The following LRP1B variants were observed in gnomAD, a reference collection of about 807,000 sequenced individuals.
LRP1B encodes the protein low-density lipoprotein receptor-related protein 1B.
Under a neutral mutation model 556.6 loss-of-function variants are expected in LRP1B, and 217 were observed. The observed-to-expected ratio is 0.39, with a 90% CI of 0.35 to 0.44. The LOEUF is 0.44. LRP1B is among the 20% of genes least tolerant of loss of function. The pLI, the probability that LRP1B is intolerant of heterozygous loss-of-function variation, is 1.00. For missense variants in LRP1B, 5,053 were observed against 5,620.8 expected (o/e 0.90, Z 3.23); for synonymous variants, 2,047 against 1,865.8 (o/e 1.10, Z -2.50).
chr2:140,296,682 G>A (rs1683615877), intron 84 of LRP1B, among the ~76,000 whole-genome samples: 1 of 152,138 alleles, frequency 6.6e-6, no homozygotes, highest in African/African-American at 2.4e-5. Context: ...CTTTGTAGAC[G>A]ATGTTTTAAG....
Position 141,421,626 on chromosome 2 carries a change from A to C in LRP1B, c.343+58770T>G, listed in dbSNP as rs1211635259. On this transcript the variant is annotated intron_variant, in intron 3 of 90. Coordinates refer to ENST00000389484, the MANE Select transcript of LRP1B (RefSeq NM_018557.3). The stretch of plus-strand genomic sequence containing the variant: ...GAAAATGACATTTAACCTACTCAAA[A>C]AGGGCTAACAATAATACAGAACAGA... 2.6e-5 allele frequency among the ~76,000 whole-genome samples: 4 copies of C among 152,352 alleles called. No individual in the cohort carries two copies. The East Asian group carries it at 7.7e-4, about 29-fold the overall frequency.
chr2:141,690,849 G>T (rs1426019448), intron 2 of LRP1B, among the ~76,000 whole-genome samples: 2 of 151,792 alleles, frequency 1.3e-5, no homozygotes, highest in East Asian at 3.9e-4. Context: ...AAAAGGAATG[G>T]TGTATGCTTT....
chr2:140,606,238 T>C (rs1682864326), intron 41 of LRP1B, among the ~76,000 whole-genome samples: 1 of 151,844 alleles, frequency 6.6e-6, no homozygotes, highest in Non-Finnish European at 1.5e-5. Context: ...AATCTGAAAA[T>C]GACATTAAAA....
intron 27 of LRP1B, among the ~76,000 whole-genome samples, chr2:140,852,962 G>A (rs917526427): frequency 6.6e-6 from 1 of 151,932 alleles, no homozygotes; most frequent in South Asian, 2.1e-4. Context: ...CGTTATTCTT[G>A]TAGCCCCATC....
intron 60 of LRP1B, among the ~76,000 whole-genome samples, chr2:140,462,546 G>A (rs1029618722): frequency 6.6e-6 from 1 of 152,158 alleles, no homozygotes; most frequent in Admixed American, 6.5e-5. Context: ...GAGCGTAGAT[G>A]GAAAGGGGAT....
At chr2:141,115,943 A>T (rs1700887877) in intron 7 of LRP1B, among the ~76,000 whole-genome samples, 1 of 152,198 alleles carries the variant, frequency 6.6e-6, no homozygotes, top group South Asian at 2.1e-4. Context: ...TAAGAGAATG[A>T]TTAAATAGAA....
chr2:141,079,995 G>A (rs1699885408), intron 7 of LRP1B, among the ~76,000 whole-genome samples: 1 of 152,188 alleles, frequency 6.6e-6, no homozygotes, highest in African/African-American at 2.4e-5. Flanking sequence ...TATGCTCCAC[G>A]AATACGTGTC....
intron 1 of LRP1B, among the ~76,000 whole-genome samples, chr2:141,818,643 TCTC>T (rs1222651012): frequency 3.4e-5 from 5 of 146,450 alleles, no homozygotes; most frequent in African/African-American, 1.3e-4. Context: ...TTCACTCCAT[TCTC>T]CTGCCTCAGC....
At chr2:141,799,900 A>T (rs368829349) in intron 2 of LRP1B, among the ~76,000 whole-genome samples, 1 of 152,032 alleles carries the variant, frequency 6.6e-6, no homozygotes, top group Non-Finnish European at 1.5e-5. Flanking sequence ...ATATACACAC[A>T]AACTTCATGT....
At chr2:142,028,579 G>A (rs1200979010) in intron 1 of LRP1B, among the ~76,000 whole-genome samples, 1 of 151,918 alleles carries the variant, frequency 6.6e-6, no homozygotes, top group East Asian at 1.9e-4. Flanking sequence ...ATCAGTTGAT[G>A]GACATTTGGG....
intron 2 of LRP1B, among the ~76,000 whole-genome samples, chr2:141,714,449 CTTTTTTTTTTTTCCTATATTTTAAGTA>C (rs1352815934): frequency 3.7e-4 from 48 of 128,338 alleles, no homozygotes; most frequent in South Asian, 7.0e-4. Context: ...TCTGTAGGCT[CTTTTTTTTTTTTCCTATATTTTAAGTA>C]TTTTTTTTTT....
intron 3 of LRP1B, among the ~76,000 whole-genome samples, chr2:141,300,017 T>C (rs2105427538): frequency 6.6e-6 from 1 of 152,288 alleles, no homozygotes; most frequent in East Asian, 1.9e-4. Context: ...ATAAATGGGA[T>C]TAATTCCCTT....
chr2:140,994,133 T>A lies in LRP1B; in HGVS notation c.2506A>T (p.Asn836Tyr), dbSNP rs751375617. 6.2e-7 allele frequency: 1 copy of A among 1,611,798 alleles called. No individual in the cohort carries two copies. The highest frequency in any genetic ancestry group is 8.5e-7 in the Non-Finnish European group (1 of 1,178,644). ...LDENGTTCTFNPGEALPHICK... is the reference protein window; with the variant it reads ...LDENGTTCTFYPGEALPHICK... ...ATGTGAGGTAGTGCTTCTCCAGGAT[T>A]AACTAGAGTTAAAAAAACCCAAGGT... The change falls in exon 16 of 91, where the codon AAT (asparagine) becomes TAT (tyrosine). Residue 836 changes from asparagine to tyrosine, a missense_variant and splice_region_variant. Physicochemically the swap from Asn to Tyr is moderately radical, Grantham distance 143. Around this residue, in one of 5 missense-constraint regions of LRP1B, gnomAD observed 3,619 missense variants for 3,931.9 expected, o/e 0.92. Coordinates refer to ENST00000389484, the MANE Select transcript of LRP1B (RefSeq NM_018557.3).
rs551614095 is a variant in LRP1B, at chr2:140,654,052, G to C, written c.6799+46198C>G. On this transcript the variant is annotated intron_variant, in intron 41 of 90. Coordinates refer to ENST00000389484, the MANE Select transcript of LRP1B (RefSeq NM_018557.3). ...AAAAAAAAAAAAAAAAAAAAAAAAA[G>C]AGAGAGAGTTTAACTACATTTGGGG... Among the ~76,000 whole-genome samples the C allele has an allele frequency of 5.2e-4, 64 of 123,118 alleles. 1 individual carries two copies. The South Asian group carries it at 0.015, about 28-fold the overall frequency. The allele number at this position is 123,118 out of a possible 152,430, so 80.8% of individuals were successfully genotyped here.
At position 140,850,188 on chromosome 2, in the gene LRP1B, T is replaced by C. The variant is rs776539616; in HGVS notation, c.4853A>G (p.Glu1618Gly). 4 of 1,613,782 alleles carry C rather than the reference T, an allele frequency of 2.5e-6. No individual in the cohort carries two copies. The East Asian group carries it at 8.9e-5, about 36-fold the overall frequency. The change falls in exon 29 of 91, where the codon GAA becomes GGA. Residue 1618 changes from glutamate (E) to glycine (G), a missense_variant. Transcript: ENST00000389484. ...VTVIDFDASE[E>G]RLYWTDIKTQ... is the part of the protein sequence containing the mutation. ...TTTAATATCTGTCCAGTATAAACGT[T>C]CCTCAGATGCATCGAAGTCTATCAC...
chr2:142,114,711 T>A (rs1421926379), intron 1 of LRP1B, among the ~76,000 whole-genome samples: 8 of 152,018 alleles, frequency 5.3e-5, no homozygotes, highest in Admixed American at 4.6e-4. Flanking sequence ...TGGGAGTTCA[T>A]GAAGGTAGAG....
At chr2:141,189,937 A>G (rs72853391) in intron 6 of LRP1B, among the ~76,000 whole-genome samples, 5 of 150,314 alleles carry the variant, frequency 3.3e-5, no homozygotes, top group African/African-American at 4.9e-5. Context: ...CCTTTAGAAG[A>G]AAGAAAGAAA....
rs1187641706 is a variant in LRP1B, at chr2:141,480,514, G to C, written c.225C>G (p.Ile75Met). 4 of 1,613,796 alleles carry C rather than the reference G, an allele frequency of 2.5e-6. No individual in the cohort carries two copies. The African/African-American group carries it at 5.3e-5, about 22-fold the overall frequency. The change falls in exon 3 of 91, where the codon ATC becomes ATG. Residue 75 changes from isoleucine (I) to methionine (M), a missense_variant. Ile to Met is a conservative substitution (Grantham distance 10, BLOSUM62 1). Around this residue, in one of 5 missense-constraint regions of LRP1B, gnomAD observed 3,619 missense variants for 3,931.9 expected, o/e 0.92. Coordinates refer to ENST00000389484, the MANE Select transcript of LRP1B (RefSeq NM_018557.3). ...AAGCAATGTGATTCAAGGGGCACTT[G>C]ATTTCTACCTCCTCGGGACCTGAAA... ...SLDTCPEEVE[I>M]KCPLNHIACL... is the part of the protein sequence containing the mutation.
chr2:141,864,743 G>A lies in LRP1B; in HGVS notation c.83-54342C>T, dbSNP rs189519673. Among the ~76,000 whole-genome samples the A allele has an allele frequency of 1.9e-3, 292 of 152,118 alleles. 5 individuals are homozygous for A. The highest frequency in any genetic ancestry group is 0.016 in the Admixed American group (242 of 15,278). On this transcript the variant is annotated intron_variant, in intron 1 of 90. Transcript: ENST00000389484. ...AAAAAAATACAAAAAATATCTGGGC[G>A]TGGTGGCACACACCTGTAGTCCCAG...
Sources: allele counts gnomAD v4.1 joint callset (sites outside exome capture counted in the v4.1 genomes callset), GRCh38; gene constraint gnomAD v4.1.1; regional missense constraint gnomAD v4.1.1; transcripts MANE v1.5; gene names NCBI Gene and HGNC (gene_info 2026-07-23, HGNC 2026-07-21).